CSMD1: variants seen among roughly 807,000 people sequenced by gnomAD.
CSMD1 encodes CUB and sushi domain-containing protein 1.
A neutral mutation model predicts 417.5 loss-of-function variants in CSMD1; 213 were observed. The observed-to-expected ratio is 0.51, with a 90% CI of 0.46 to 0.57. CSMD1 has a LOEUF of 0.57. CSMD1 is among the 20% of genes least tolerant of loss of function. The pLI, the probability that CSMD1 is intolerant of heterozygous loss-of-function variation, is 0.00. For synonymous variants in CSMD1, 2,862 were observed against 1,736.8 expected, an observed-to-expected ratio of 1.65 and a Z score of -16.11; for missense variants, 6,923 against 4,529.7, an observed-to-expected ratio of 1.53 and a Z score of -15.17.
chr8:4,543,913 T>C (rs564116522), intron 2 of CSMD1, among the ~76,000 whole-genome samples: 1 of 152,278 alleles, frequency 6.6e-6, no homozygotes, highest in African/African-American at 2.4e-5. Flanking sequence ...ATATGATAAT[T>C]TGACATCTGT....
At chr8:4,827,354 A>T (rs1251065583) in intron 1 of CSMD1, among the ~76,000 whole-genome samples, 2 of 152,186 alleles carry the variant, frequency 1.3e-5, no homozygotes. Flanking sequence ...GCACACTAAG[A>T]CACACAAAGC....
At chr8:3,728,960 G>A (rs563545988) in intron 6 of CSMD1, among the ~76,000 whole-genome samples, 4 of 152,134 alleles carry the variant, frequency 2.6e-5, no homozygotes, top group Non-Finnish European at 4.4e-5. Context: ...AGTGCCGTTC[G>A]AATATCTGCA....
At chr8:4,989,859 A>C (rs1368869554) in intron 1 of CSMD1, among the ~76,000 whole-genome samples, 1 of 152,198 alleles carries the variant, frequency 6.6e-6, no homozygotes, top group East Asian at 1.9e-4. Flanking sequence ...AAGGAAGCAG[A>C]ACCATTTTCT....
At chr8:4,435,906 T>C (rs1213230255) in intron 2 of CSMD1, among the ~76,000 whole-genome samples, 1 of 152,198 alleles carries the variant, frequency 6.6e-6, no homozygotes, top group African/African-American at 2.4e-5. Flanking sequence ...AAATGTAGAT[T>C]TGACGGAAAA....
At chr8:3,483,511 G>C (rs565825274) in intron 11 of CSMD1, among the ~76,000 whole-genome samples, 135 of 152,044 alleles carry the variant, frequency 8.9e-4, no homozygotes, top group African/African-American at 2.6e-3. Flanking sequence ...AAAATCCTCA[G>C]ACCCAGATGG....
chr8:3,823,047 T>C (rs1464728791), intron 5 of CSMD1, among the ~76,000 whole-genome samples: 5 of 152,180 alleles, frequency 3.3e-5, no homozygotes, highest in Non-Finnish European at 5.9e-5. Flanking sequence ...TAGTTTATGA[T>C]TTCTATGGTT....
intron 7 of CSMD1, among the ~76,000 whole-genome samples, chr8:3,617,739 G>T (rs1802213715): frequency 6.6e-6 from 1 of 152,082 alleles, no homozygotes; most frequent in African/African-American, 2.4e-5. Context: ...TTATTGTTAA[G>T]GCAGAAAATC....
In CSMD1 at chr8:4,630,864, G is replaced by A. The variant is rs531196374; in HGVS notation, c.302+6478C>T. 3.9e-5 allele frequency among the ~76,000 whole-genome samples: 6 copies of A among 152,208 alleles called. No individual in the cohort carries two copies. In the South Asian group the frequency reaches 1.2e-3, roughly 32 times the overall value. ...CTTCCCTGGAACTATCCAGGCCCTGGTTCTGGGATCCTCCCTCACCCTGTG... is the reference window on the plus strand; with the variant it reads ...CTTCCCTGGAACTATCCAGGCCCTGATTCTGGGATCCTCCCTCACCCTGTG... On this transcript the variant is annotated intron_variant, in intron 2 of 69. Transcript: ENST00000635120.
chr8:3,827,777 T>G (rs1249028419), intron 5 of CSMD1, among the ~76,000 whole-genome samples: 1 of 152,206 alleles, frequency 6.6e-6, no homozygotes, highest in African/African-American at 2.4e-5. Context: ...GGGAAAAGAC[T>G]ATCCTATAAA....
intron 1 of CSMD1, among the ~76,000 whole-genome samples, chr8:4,957,745 A>G (rs564472309): frequency 1.1e-4 from 16 of 152,206 alleles, no homozygotes; most frequent in South Asian, 2.1e-4. Context: ...CCCCTTCTCT[A>G]TAAGGACTCA....
chr8:3,758,007 A>C (rs549393380), intron 5 of CSMD1, among the ~76,000 whole-genome samples: 34 of 152,208 alleles, frequency 2.2e-4, no homozygotes, highest in African/African-American at 7.0e-4. Flanking sequence ...TCTGTCACCC[A>C]GGCTGGACTG....
At chr8:3,314,420 T>TTCTA (rs1451652230) in intron 23 of CSMD1, among the ~76,000 whole-genome samples, 4 of 152,306 alleles carry the variant, frequency 2.6e-5, no homozygotes, top group Admixed American at 1.3e-4. Context: ...AGGTATCCTT[T>TTCTA]TCTATCTTGA....
intron 7 of CSMD1, among the ~76,000 whole-genome samples, chr8:3,631,716 GA>G (rs368928601): frequency 5.9e-5 from 9 of 152,278 alleles, no homozygotes; most frequent in African/African-American, 2.2e-4. Context: ...TTTACTGTTC[GA>G]GAAAAACTCT....
At chr8:3,525,112 A>G (rs1332727758) in intron 10 of CSMD1, among the ~76,000 whole-genome samples, 2 of 152,080 alleles carry the variant, frequency 1.3e-5, no homozygotes, top group African/African-American at 2.4e-5. Context: ...TCAAAGTTAC[A>G]CACATAGAAG....
At chr8:4,074,262 A>C (rs1008335636) in intron 3 of CSMD1, among the ~76,000 whole-genome samples, 1 of 152,114 alleles carries the variant, frequency 6.6e-6, no homozygotes, top group Non-Finnish European at 1.5e-5. Flanking sequence ...AAATTGTTTC[A>C]TAAAGAAAGT....
intron 1 of CSMD1, among the ~76,000 whole-genome samples, chr8:4,765,434 T>C (rs971168823): frequency 1.3e-5 from 2 of 152,240 alleles, no homozygotes; most frequent in African/African-American, 4.8e-5. Context: ...CTGTATACTG[T>C]TTCAAAGCGT....
chr8:3,752,984 A>T (rs2720856), intron 6 of CSMD1, among the ~76,000 whole-genome samples: 62,589 of 152,002 alleles, frequency 0.41, 12,939 homozygotes, highest in South Asian at 0.5. Flanking sequence ...CTATAATTAG[A>T]TCCCTTTGCA....
chr8:3,660,430 C>A (rs1196470037), intron 7 of CSMD1, among the ~76,000 whole-genome samples: 4 of 146,906 alleles, frequency 2.7e-5, no homozygotes, highest in African/African-American at 1.0e-4. Context: ...ATCATCCAAG[C>A]AAACACAGGA....
At chr8:4,599,529 G>A (rs1262997389) in intron 2 of CSMD1, among the ~76,000 whole-genome samples, 1 of 150,836 alleles carries the variant, frequency 6.6e-6, no homozygotes. Context: ...TTTACACTAA[G>A]TGCACAATAT....
Sources: gnomAD v4.1 joint callset for allele counts (sites outside exome capture counted in the v4.1 genomes callset) on GRCh38, gnomAD v4.1.1 for gene constraint, MANE v1.5 for transcripts, NCBI Gene and HGNC (gene_info 2026-07-23, HGNC 2026-07-21) for gene names.